The following KCTD8 variants were observed in gnomAD, a reference collection of about 807,000 sequenced individuals.
KCTD8 encodes BTB/POZ domain-containing protein KCTD8.
KCTD8 carries 27 observed loss-of-function variants against 31.5 expected under a neutral mutation model. The observed-to-expected ratio is 0.86, with a 90% CI of 0.63 to 1.18. The LOEUF (loss-of-function observed/expected upper bound fraction) is 1.18, where lower values mean the gene tolerates loss of function less well. Among genes scored for constraint, KCTD8 ranks in the 50% most tolerant of loss-of-function variants. The probability of loss-of-function intolerance (pLI) is 0.00; values close to 1 mark genes in which losing one functional copy is unlikely to be tolerated. For synonymous variants in KCTD8, 290 were observed against 280.0 expected, an observed-to-expected ratio of 1.04 and a Z score of -0.36; for missense variants, 658 against 647.7, an observed-to-expected ratio of 1.02 and a Z score of -0.17.
At chr4:44,385,938 A>T (rs1301543559) in intron 1 of KCTD8, among the ~76,000 whole-genome samples, 2 of 151,632 alleles carry the variant, frequency 1.3e-5, no homozygotes, top group Admixed American at 1.3e-4. Flanking sequence ...ATGATTGATA[A>T]GCACATGAAA....
chr4:44,382,529 C>T (rs996161076), intron 1 of KCTD8, among the ~76,000 whole-genome samples: 3 of 151,974 alleles, frequency 2.0e-5, no homozygotes, highest in Non-Finnish European at 4.4e-5. Context: ...CAGTTCAAGA[C>T]CATCTTGGCC....
At chr4:44,225,069 G>A (rs555380988) in intron 1 of KCTD8, among the ~76,000 whole-genome samples, 1 of 152,286 alleles carries the variant, frequency 6.6e-6, no homozygotes, top group Admixed American at 6.5e-5. Context: ...CTTATCAGCA[G>A]GGAGCATGAC....
intron 1 of KCTD8, among the ~76,000 whole-genome samples, chr4:44,357,367 G>A (rs1336093519): frequency 6.6e-6 from 1 of 152,102 alleles, no homozygotes; most frequent in African/African-American, 2.4e-5. Flanking sequence ...AAAAGAAAAA[G>A]TAATAAATAT....
intron 1 of KCTD8, among the ~76,000 whole-genome samples, chr4:44,288,092 C>T (rs1176335393): frequency 2.6e-5 from 4 of 152,030 alleles, no homozygotes; most frequent in Admixed American, 2.0e-4. Flanking sequence ...ATTCTTAGTG[C>T]CCTTAGTATC....
At chr4:44,315,857 A>G (rs1718093585) in intron 1 of KCTD8, among the ~76,000 whole-genome samples, 1 of 152,120 alleles carries the variant, frequency 6.6e-6, no homozygotes, top group South Asian at 2.1e-4. Flanking sequence ...AACATAATGC[A>G]ATATACTTTG....
chr4:44,299,974 A>G (rs991808295), intron 1 of KCTD8, among the ~76,000 whole-genome samples: 2 of 151,762 alleles, frequency 1.3e-5, no homozygotes, highest in Non-Finnish European at 2.9e-5. Context: ...GATGGTCTCA[A>G]TCTCCTGACC....
intron 1 of KCTD8, among the ~76,000 whole-genome samples, chr4:44,221,524 C>A (rs1425636848): frequency 6.6e-6 from 1 of 152,092 alleles, no homozygotes; most frequent in Non-Finnish European, 1.5e-5. Context: ...CATCTGCAAG[C>A]TGAGAAACAA....
At chr4:44,421,132 T>G (rs1483023079) in intron 1 of KCTD8, among the ~76,000 whole-genome samples, 1 of 152,130 alleles carries the variant, frequency 6.6e-6, no homozygotes, top group Non-Finnish European at 1.5e-5. Flanking sequence ...ATCAGTTGTC[T>G]CCATACGATT....
intron 1 of KCTD8, chr4:44,293,302 A>G: frequency 3.2e-6 from 1 of 311,488 alleles, no homozygotes; most frequent in South Asian, 2.8e-5. Context: ...AGTCAACCAA[A>G]TTACTGAGTC....
At chr4:44,250,921 G>A (rs887286991) in intron 1 of KCTD8, among the ~76,000 whole-genome samples, 8 of 151,676 alleles carry the variant, frequency 5.3e-5, no homozygotes, top group South Asian at 2.1e-4. Context: ...TTTCATGTAC[G>A]CAAATGTAAC....
chr4:44,180,183 A>G (rs1713336466), intron 1 of KCTD8, among the ~76,000 whole-genome samples: 1 of 152,066 alleles, frequency 6.6e-6, no homozygotes, highest in Admixed American at 6.5e-5. Context: ...CACCCAATAT[A>G]CTTGGTTTAA....
At position 44,175,112 on chromosome 4, in the gene KCTD8, C is replaced by T; in HGVS notation, c.1100G>A (p.Ser367Asn). 6.2e-7 allele frequency: 1 copy of T among 1,613,972 alleles called. No homozygotes were observed. Among genetic ancestry groups the T allele is most frequent in the Non-Finnish European group, 8.5e-7 (1 of 1,179,970 alleles). Residue 367 changes from serine to asparagine, a missense_variant, in exon 2 of 2, where the codon AGC (serine) becomes AAC (asparagine). Coordinates refer to ENST00000360029, the MANE Select transcript of KCTD8 (RefSeq NM_198353.3). ...ACTGGATGGGTTGTCCTGGGGAGTG[C>T]TTGCCTCTGAATGGCTGTCACAACT... ...TSSCDSHSEA[S>N]TPQDNPSSAQ...
intron 1 of KCTD8, among the ~76,000 whole-genome samples, chr4:44,344,188 T>C (rs901781172): frequency 3.3e-5 from 5 of 151,788 alleles, no homozygotes; most frequent in Non-Finnish European, 5.9e-5. Context: ...AATTAATTAA[T>C]TAATTAAGTT....
intron 1 of KCTD8, among the ~76,000 whole-genome samples, chr4:44,387,767 G>A (rs1242437693): frequency 6.6e-6 from 1 of 151,882 alleles, no homozygotes; most frequent in Non-Finnish European, 1.5e-5. Flanking sequence ...AAAAATCCTG[G>A]AAGACATCCT....
rs1713122145 is a variant in KCTD8 at position 44,174,053 on chromosome 4, T to C, written c.*737A>G. 6.6e-6 allele frequency: 1 copy of C among 152,158 alleles called. No individual in the cohort carries two copies. The highest frequency in any genetic ancestry group is 1.5e-5 in the Non-Finnish European group (1 of 68,012). 9.4% of individuals were successfully genotyped at this position (152,158 alleles called of 1,614,324 possible). On this transcript the variant is annotated 3_prime_UTR_variant, in exon 2 of 2. Coordinates refer to ENST00000360029, the MANE Select transcript of KCTD8 (RefSeq NM_198353.3). ...AAGACTCATTTCACAGTAATAATCA[T>C]GACTAGCATTAGTAAATGAATGTTG...
At chr4:44,195,043 GTATTTTT>G (rs1362810055) in intron 1 of KCTD8, among the ~76,000 whole-genome samples, 20 of 150,966 alleles carry the variant, frequency 1.3e-4, no homozygotes, top group African/African-American at 4.6e-4. Context: ...TCTAATTTTT[GTATTTTT>G]TATTTTTAGT....
chr4:44,253,589 T>C (rs560449964), intron 1 of KCTD8, among the ~76,000 whole-genome samples: 1 of 151,800 alleles, frequency 6.6e-6, no homozygotes, highest in East Asian at 1.9e-4. Context: ...GGAATCCAGA[T>C]ACCATATAAA....
At chr4:44,191,950 G>T (rs1713776676) in intron 1 of KCTD8, among the ~76,000 whole-genome samples, 1 of 151,886 alleles carries the variant, frequency 6.6e-6, no homozygotes, top group Non-Finnish European at 1.5e-5. Context: ...CTCCCTTTTT[G>T]AAATCCCTAA....
At chr4:44,426,807 G>A (rs12499682) in intron 1 of KCTD8, among the ~76,000 whole-genome samples, 69,704 of 151,444 alleles carry the variant, frequency 0.46, 17,214 homozygotes, top group South Asian at 0.63. Context: ...TAAAAACAGA[G>A]AAAGAAACAA....
Sources: gnomAD v4.1 joint callset for allele counts (sites outside exome capture counted in the v4.1 genomes callset) on GRCh38, gnomAD v4.1.1 for gene constraint, MANE v1.5 for transcripts, NCBI Gene and HGNC (gene_info 2026-07-23, HGNC 2026-07-21) for gene names.